Variants in PCDH9 observed in about 807,000 individuals in gnomAD.
PCDH9 encodes protocadherin 9.
PCDH9 carries 24 observed loss-of-function variants against 70.6 expected under a neutral mutation model. That is an observed-to-expected ratio of 0.34 (90% CI 0.25 to 0.48). The LOEUF (loss-of-function observed/expected upper bound fraction) is 0.48, where lower values mean the gene tolerates loss of function less well. PCDH9 is among the 20% of genes least tolerant of loss of function. The pLI is 0.99. For missense variants in PCDH9, 1,281 were observed against 1,503.6 expected (o/e 0.85, Z 2.45); for synonymous variants, 562 against 558.5 (o/e 1.01, Z -0.09).
At position 67,110,555 on chromosome 13, in the gene PCDH9, A is replaced by C. The variant is rs375318693; in HGVS notation, c.3036+114850T>G. ...AAAAAAGGGACATTACAGAAAAGAC[A>C]CAACTACATAAGGGATCTGTGTGAC... On this transcript the variant is annotated intron_variant, in intron 2 of 4. Transcript: ENST00000377865. 1.2e-3 allele frequency among the ~76,000 whole-genome samples: 185 copies of C among 151,622 alleles called. 1 individual carries two copies. In the East Asian group the frequency reaches 0.022, roughly 18 times the overall value.
intron 4 of PCDH9, among the ~76,000 whole-genome samples, chr13:66,447,624 A>G (rs1312856424): frequency 6.6e-6 from 1 of 152,178 alleles, no homozygotes; most frequent in Non-Finnish European, 1.5e-5. Context: ...TATTGTAGCA[A>G]GTTTTAAATA....
intron 3 of PCDH9, among the ~76,000 whole-genome samples, chr13:66,731,634 T>C (rs545764295): frequency 8.9e-4 from 136 of 152,142 alleles, no homozygotes; most frequent in African/African-American, 3.0e-3. Context: ...AAAAAGAAAA[T>C]TCACTTTGAA....
At chr13:66,899,886 T>A (rs909075171) in intron 3 of PCDH9, among the ~76,000 whole-genome samples, 2 of 151,994 alleles carry the variant, frequency 1.3e-5, no homozygotes, top group African/African-American at 4.8e-5. Flanking sequence ...AAATCTAGTT[T>A]AAGAAAGAAC....
chr13:66,890,682 G>C (rs184433957), intron 3 of PCDH9, among the ~76,000 whole-genome samples: 1 of 151,968 alleles, frequency 6.6e-6, no homozygotes, highest in African/African-American at 2.4e-5. Flanking sequence ...AAGGCAATTA[G>C]CAAACTCAAA....
rs560746361 is a variant in PCDH9, at chr13:66,312,127, C to T, written c.3341-7099G>A. ...TAGTAGAATGATGAATTGGTATGGA[C>T]TTTAAGAAAGTAAGCTTAGACTCCC... On this transcript the variant is annotated intron_variant, in intron 4 of 4. Coordinates refer to ENST00000377865, the MANE Select transcript of PCDH9 (RefSeq NM_203487.3). Among the ~76,000 whole-genome samples the T allele has an allele frequency of 1.5e-3, 223 of 152,266 alleles. 1 individual carries two copies. Among genetic ancestry groups the T allele is most frequent in the African/African-American group, 5.2e-3 (215 of 41,550 alleles).
chr13:66,686,087 G>A (rs2078397280), intron 3 of PCDH9, among the ~76,000 whole-genome samples: 1 of 152,096 alleles, frequency 6.6e-6, no homozygotes, highest in Admixed American at 6.5e-5. Flanking sequence ...CATGAGATTT[G>A]GGAGGGGCCA....
chr13:66,628,977 A>G (rs1166570094), intron 4 of PCDH9, among the ~76,000 whole-genome samples: 1 of 152,188 alleles, frequency 6.6e-6, no homozygotes, highest in Non-Finnish European at 1.5e-5. Context: ...TAAATTTTAA[A>G]ATCTCTAACT....
intron 3 of PCDH9, among the ~76,000 whole-genome samples, chr13:66,714,841 A>G (rs1380077642): frequency 6.6e-6 from 1 of 152,196 alleles, no homozygotes; most frequent in Non-Finnish European, 1.5e-5. Flanking sequence ...AGCAGCACAT[A>G]TTCAACAATT....
intron 4 of PCDH9, among the ~76,000 whole-genome samples, chr13:66,386,152 T>C (rs1956925861): frequency 1.3e-5 from 2 of 152,180 alleles, no homozygotes; most frequent in Non-Finnish European, 2.9e-5. Context: ...CAGTACTGTG[T>C]CTTGCACTGT....
chr13:67,118,547 A>C lies in PCDH9; in HGVS notation c.3036+106858T>G, dbSNP rs79736454. 3.3e-4 allele frequency among the ~76,000 whole-genome samples: 50 copies of C among 152,282 alleles called. No homozygotes were observed. In the East Asian group the frequency reaches 9.4e-3, roughly 29 times the overall value. ...GATTTTGTTTGTTTATCTGTGCTTC[A>C]TTAAAGTGAGCTCCCAGCATTTGTT... On this transcript the variant is annotated intron_variant, in intron 2 of 4. Transcript: ENST00000377865.
intron 2 of PCDH9, among the ~76,000 whole-genome samples, chr13:67,018,698 G>C (rs560320508): frequency 5.5e-4 from 83 of 151,708 alleles, no homozygotes; most frequent in Non-Finnish European, 1.0e-3. Flanking sequence ...CTCTGACGAG[G>C]CTCCCAGAAA....
chr13:66,974,027 T>A (rs546534503), intron 2 of PCDH9, among the ~76,000 whole-genome samples: 1 of 152,114 alleles, frequency 6.6e-6, no homozygotes, highest in African/African-American at 2.4e-5. Flanking sequence ...AAAGCAAATG[T>A]GTGATAAAGG....
chr13:66,892,082 G>A (rs2082104913), intron 3 of PCDH9, among the ~76,000 whole-genome samples: 1 of 151,170 alleles, frequency 6.6e-6, no homozygotes, highest in Non-Finnish European at 1.5e-5. Context: ...CCTCTCCTCT[G>A]ATATTACCCT....
At chr13:66,790,513 T>A (rs2080147769) in intron 3 of PCDH9, among the ~76,000 whole-genome samples, 3 of 152,118 alleles carry the variant, frequency 2.0e-5, no homozygotes. Context: ...AAGATATATT[T>A]CTATATTGTC....
intron 4 of PCDH9, among the ~76,000 whole-genome samples, chr13:66,521,076 G>A (rs1295653454): frequency 6.6e-6 from 1 of 152,118 alleles, no homozygotes; most frequent in Non-Finnish European, 1.5e-5. Flanking sequence ...AGGGTAGGCA[G>A]CCAACAGCCT....
intron 2 of PCDH9, among the ~76,000 whole-genome samples, chr13:67,063,663 C>A (rs79051625): frequency 0.047 from 7,109 of 152,106 alleles, 322 homozygotes; most frequent in African/African-American, 0.12. Context: ...AGCAAAATGC[C>A]TGTTTCATGC....
chr13:66,831,215 T>C (rs1757123990), intron 3 of PCDH9, among the ~76,000 whole-genome samples: 1 of 152,208 alleles, frequency 6.6e-6, no homozygotes, highest in Admixed American at 6.5e-5. Context: ...ACTCAAAGTG[T>C]ATTACTATTA....
intron 3 of PCDH9, among the ~76,000 whole-genome samples, chr13:66,794,631 T>C (rs898984876): frequency 6.6e-6 from 1 of 152,164 alleles, no homozygotes; most frequent in South Asian, 2.1e-4. Context: ...AAAGTTCAGA[T>C]CTACAAGGAA....
chr13:66,370,752 A>G (rs1956635893), intron 4 of PCDH9, among the ~76,000 whole-genome samples: 1 of 151,822 alleles, frequency 6.6e-6, no homozygotes, highest in Non-Finnish European at 1.5e-5. Context: ...GGGCTCAAAC[A>G]ATCCACCTGC....
Sources: gnomAD v4.1 joint callset for allele counts (sites outside exome capture counted in the v4.1 genomes callset) on GRCh38, gnomAD v4.1.1 for gene constraint, MANE v1.5 for transcripts, NCBI Gene and HGNC (gene_info 2026-07-23, HGNC 2026-07-21) for gene names.